B3GLCT: variants seen among roughly 807,000 people sequenced by gnomAD.
The protein encoded by B3GLCT is beta-1,3-glucosyltransferase.
A neutral mutation model predicts 63.4 loss-of-function variants in B3GLCT; 65 were observed. That is an observed-to-expected ratio of 1.03 (90% CI 0.84 to 1.26). B3GLCT has a LOEUF of 1.26. B3GLCT is among the 50% of genes most tolerant of loss of function. B3GLCT has a pLI of 0.00. For synonymous variants in B3GLCT, 233 were observed against 219.2 expected (o/e 1.06, Z -0.55); for missense variants, 577 against 604.8 (o/e 0.95, Z 0.48).
intron 10 of B3GLCT, 111 bp downstream of exon 10, chr13:31,276,882 G>A (rs950012362): frequency 3.2e-5 from 26 of 812,678 alleles, no homozygotes; most frequent in Admixed American, 1.4e-4. Context: ...ATGACAATTC[G>A]GATGTTGAAG....
chr13:31,261,778 A>AG (rs1200555814), intron 7 of B3GLCT, among the ~76,000 whole-genome samples: 1 of 152,174 alleles, frequency 6.6e-6, no homozygotes, highest in Admixed American at 6.5e-5. Flanking sequence ...TCCTGTCTCT[A>AG]GGATTTGGGG....
At chr13:31,326,690 G>T (rs1458618263) in intron 14 of B3GLCT, among the ~76,000 whole-genome samples, 1 of 152,050 alleles carries the variant, frequency 6.6e-6, no homozygotes, top group African/African-American at 2.4e-5. Flanking sequence ...CTGCCTGTTT[G>T]GGATTTCCTC....
At position 31,282,456 on chromosome 13, in the gene B3GLCT, G is replaced by A. The variant is rs191923459; in HGVS notation, c.851-2192G>A. Among the ~76,000 whole-genome samples the A allele has an allele frequency of 8.5e-5, 13 of 152,090 alleles. 1 individual carries two copies. In the East Asian group the frequency reaches 2.3e-3, roughly 27 times the overall value. On this transcript the variant is annotated intron_variant, in intron 10 of 14. Transcript: ENST00000343307. ...AAATCAAGACCATCCTGGCTAACAC[G>A]GTGAAACCCTGTCTCTACTAAAAAA...
In B3GLCT at chr13:31,200,142, A is replaced by C. The variant is rs1425058562; in HGVS notation, c.58A>C (p.Thr20Pro). 1 of 1,358,556 alleles carries C rather than the reference A, an allele frequency of 7.4e-7. No homozygotes were observed. 84.2% of individuals were successfully genotyped at this position (1,358,556 alleles called of 1,614,324 possible). A position where few individuals can be genotyped will look rare whatever the true frequency, so the allele number is the denominator to read the frequency against. ...LAPPALLALL[T>P]CSLAFGLASE... is the part of the protein sequence containing the mutation. ...GCCGCCGGCGCTGCTCGCGCTCCTC[A>C]CCTGCTCCCTGGGTAAGTAGCGGGC... Residue 20 changes from threonine to proline, a missense_variant, in exon 1 of 15, where the codon ACC becomes CCC. Transcript: ENST00000343307.
intron 6 of B3GLCT, among the ~76,000 whole-genome samples, chr13:31,249,933 G>A (rs9542480): frequency 0.34 from 51,871 of 151,986 alleles, 9,595 homozygotes; most frequent in Non-Finnish European, 0.42. Flanking sequence ...GAGGGTATAA[G>A]GTATTTTGTT....
Position 31,329,512 on chromosome 13 carries a change from G to A in B3GLCT, c.1341G>A (p.Val447=). 1.9e-6 allele frequency: 3 copies of A among 1,614,154 alleles called. No individual in the cohort carries two copies. Among genetic ancestry groups the A allele is most frequent in the Non-Finnish European group, 2.5e-6 (3 of 1,180,044 alleles). Residue 447 remains valine (V), a synonymous_variant, in exon 15 of 15, where the codon GTG becomes GTA. Coordinates refer to ENST00000343307, the MANE Select transcript of B3GLCT (RefSeq NM_194318.4). ...TATTTTTCCTGCAGGCTCGGCCGGT[G>A]GATTACCCTAAGGACTACCTTTCTC... ...HSPLFHQARP[V]DYPKDYLSHQ...
chr13:31,316,419 ATATATATATAT>A (rs1875026637), intron 12 of B3GLCT, among the ~76,000 whole-genome samples: 1 of 106,404 alleles, frequency 9.4e-6, no homozygotes, highest in South Asian at 3.4e-4. Flanking sequence ...ATATATATAT[ATATATATATAT>A]AAATTTTTTT....
intron 4 of B3GLCT, among the ~76,000 whole-genome samples, chr13:31,232,747 G>A (rs10507401): frequency 0.61 from 93,432 of 152,066 alleles, 30,237 homozygotes; most frequent in Middle Eastern, 0.75. Flanking sequence ...TTCCTTTTTG[G>A]TTCCACTTTT....
At chr13:31,274,742 G>A in intron 9 of B3GLCT, 114 bp downstream of exon 9, 1 of 1,371,416 alleles carries the variant, frequency 7.3e-7, no homozygotes, top group African/African-American at 1.4e-5. Context: ...TCATGTGCAA[G>A]TTGGTTATAA....
At chr13:31,229,159 C>G (rs758361639) in intron 3 of B3GLCT, 26 bp from the exon 4 acceptor site, 1 of 1,427,458 alleles carries the variant, frequency 7.0e-7, no homozygotes, top group Non-Finnish European at 9.8e-7. Flanking sequence ...AAAGAAATAC[C>G]TGAAAACTAT....
intron 1 of B3GLCT, among the ~76,000 whole-genome samples, chr13:31,207,997 C>T (rs540895107): frequency 6.6e-6 from 1 of 152,270 alleles, no homozygotes; most frequent in South Asian, 2.1e-4. Context: ...CTTCCCTCTA[C>T]AGGGAGGGAA....
chr13:31,227,923 G>A (rs1360373534), intron 3 of B3GLCT, among the ~76,000 whole-genome samples: 1 of 152,210 alleles, frequency 6.6e-6, no homozygotes, highest in Non-Finnish European at 1.5e-5. Flanking sequence ...TTCCTGTCTG[G>A]TGGCAGGGTG....
At chr13:31,239,203 C>T (rs1201900641) in intron 4 of B3GLCT, among the ~76,000 whole-genome samples, 2 of 151,960 alleles carry the variant, frequency 1.3e-5, no homozygotes, top group Non-Finnish European at 2.9e-5. Context: ...AAGGGAGGGT[C>T]GGTGAGAGTG....
intron 12 of B3GLCT, among the ~76,000 whole-genome samples, chr13:31,313,706 C>T (rs1021658920): frequency 6.6e-6 from 1 of 152,208 alleles, no homozygotes; most frequent in East Asian, 1.9e-4. Flanking sequence ...GGGAGAAAGT[C>T]AAGCCGGCTG....
Position 31,252,244 on chromosome 13 carries a change from G to C in B3GLCT, c.459+4278G>C, listed in dbSNP as rs535167913. On this transcript the variant is annotated intron_variant, in intron 6 of 14. Transcript: ENST00000343307. Reference sequence around the variant, plus strand: ...CAGTAAGCATGGAAAGGAACAACCAGTACCAGCCACTGCCAAAACATACCA... The same window carrying C: ...CAGTAAGCATGGAAAGGAACAACCACTACCAGCCACTGCCAAAACATACCA... Among the ~76,000 whole-genome samples, 31 of 152,302 alleles carry C rather than the reference G, an allele frequency of 2.0e-4. No individual in the cohort carries two copies. The East Asian group carries it at 4.4e-3, about 22-fold the overall frequency.
intron 4 of B3GLCT, among the ~76,000 whole-genome samples, chr13:31,245,418 A>G (rs551468260): frequency 6.6e-6 from 1 of 152,258 alleles, no homozygotes; most frequent in South Asian, 2.1e-4. Flanking sequence ...TAATTGAAGG[A>G]TTTTTAAAGC....
chr13:31,322,230 A>G (rs887872185), intron 13 of B3GLCT, among the ~76,000 whole-genome samples: 9 of 152,240 alleles, frequency 5.9e-5, no homozygotes, highest in Non-Finnish European at 1.0e-4. Flanking sequence ...ATGTCCTCGG[A>G]AGAGGCCGCA....
chr13:31,297,478 C>A (rs1448716442), intron 12 of B3GLCT, among the ~76,000 whole-genome samples: 1 of 151,452 alleles, frequency 6.6e-6, no homozygotes, highest in Non-Finnish European at 1.5e-5. Flanking sequence ...AGCTATTTTC[C>A]CCTCTGTTCT....
intron 10 of B3GLCT, among the ~76,000 whole-genome samples, chr13:31,279,300 A>G (rs1394517327): frequency 6.6e-6 from 1 of 151,398 alleles, no homozygotes; most frequent in Non-Finnish European, 1.5e-5. Context: ...TTTTTTTTTC[A>G]TTTTCTTTTC....
Sources: gnomAD v4.1 joint callset for allele counts (sites outside exome capture counted in the v4.1 genomes callset) on GRCh38, gnomAD v4.1.1 for gene constraint, MANE v1.5 for transcripts, NCBI Gene and HGNC (gene_info 2026-07-23, HGNC 2026-07-21) for gene names.